SHISAL1: variants seen among roughly 807,000 people sequenced by gnomAD.
SHISAL1 encodes the protein shisa like 1, also known as protein shisa-like-1.
Under a neutral mutation model 22.6 loss-of-function variants are expected in SHISAL1, and 9 were observed. That is an observed-to-expected ratio of 0.40 (90% CI 0.24 to 0.70). SHISAL1 has a LOEUF of 0.70. Ranked by LOEUF, SHISAL1 falls within the 30% of genes least tolerant of loss-of-function variation. SHISAL1 has a pLI of 0.39. For synonymous variants in SHISAL1, 119 were observed against 115.4 expected, an observed-to-expected ratio of 1.03 and a Z score of -0.20; for missense variants, 246 against 270.6, an observed-to-expected ratio of 0.91 and a Z score of 0.64.
At chr22:44,324,029 C>T in the SHISAL1 span, among the ~76,000 whole-genome samples, 1 of 152,182 alleles carries the variant, frequency 6.6e-6, no homozygotes, top group African/African-American at 2.4e-5. Flanking sequence ...CAAGGCCACA[C>T]AGCCAGGAGG....
At chr22:44,278,125 G>A (rs1453072770) in intron 4 of SHISAL1, among the ~76,000 whole-genome samples, 1 of 152,212 alleles carries the variant, frequency 6.6e-6, no homozygotes, top group Non-Finnish European at 1.5e-5. Flanking sequence ...CTTCATCTGG[G>A]TGGGCACCAT....
the SHISAL1 span, among the ~76,000 whole-genome samples, chr22:44,323,909 C>T: frequency 3.9e-5 from 6 of 152,286 alleles, no homozygotes; most frequent in East Asian, 3.9e-4. Flanking sequence ...ACTATATGCC[C>T]GTCTGCACCA....
At chr22:44,319,953 G>A in the SHISAL1 span, among the ~76,000 whole-genome samples, 1 of 152,086 alleles carries the variant, frequency 6.6e-6, no homozygotes, top group South Asian at 2.1e-4. Flanking sequence ...CGAGGGTGAT[G>A]GATCTGATTC....
intron 3 of SHISAL1, among the ~76,000 whole-genome samples, chr22:44,296,358 C>G (rs989598691): frequency 6.6e-6 from 1 of 152,174 alleles, no homozygotes; most frequent in Non-Finnish European, 1.5e-5. Context: ...TGGGGTTTCA[C>G]CATGTTGGCT....
chr22:44,277,449 CAAACAAAACAAAACA>C (rs59568852), intron 4 of SHISAL1, among the ~76,000 whole-genome samples: 6,222 of 150,568 alleles, frequency 0.041, 459 homozygotes, highest in African/African-American at 0.15. Flanking sequence ...ACTCTGCCTC[CAAACAAAACAAAACA>C]AAACAAAACA....
the SHISAL1 span, among the ~76,000 whole-genome samples, chr22:44,324,774 C>T: frequency 6.6e-6 from 1 of 152,276 alleles, no homozygotes; most frequent in Non-Finnish European, 1.5e-5. Flanking sequence ...GATCAGCACC[C>T]GGAGCCTCCC....
the SHISAL1 span, among the ~76,000 whole-genome samples, chr22:44,330,734 C>T: frequency 6.6e-6 from 1 of 152,142 alleles, no homozygotes; most frequent in Non-Finnish European, 1.5e-5. Flanking sequence ...ATAAATATAA[C>T]CTCGAGACGC....
intron 4 of SHISAL1, among the ~76,000 whole-genome samples, chr22:44,257,217 T>C (rs2055090604): frequency 6.6e-6 from 1 of 152,230 alleles, no homozygotes; most frequent in Admixed American, 6.5e-5. Flanking sequence ...ACGATTATCC[T>C]ACAGACATGC....
rs994832089 is a variant in SHISAL1 at position 44,248,119 on chromosome 22, C to T, written c.*1566G>A. The T allele has an allele frequency of 2.0e-5, 3 of 150,468 alleles. No homozygotes were observed. Among genetic ancestry groups the T allele is most frequent in the African/African-American group, 7.5e-5 (3 of 39,764 alleles). The allele number at this position is 150,468 out of a possible 1,614,324, so 9.3% of individuals were successfully genotyped here. A position where few individuals can be genotyped will look rare whatever the true frequency, so the allele number is the denominator to read the frequency against. On this transcript the variant is annotated 3_prime_UTR_variant, in exon 5 of 5. Transcript: ENST00000381176. ...CGTGTCCCTCGAACTGAGTTCCTGG[C>T]ACTGAGTTCCCGGCAGAGCACTCAC...
chr22:44,319,012 C>A, the SHISAL1 span, among the ~76,000 whole-genome samples: 1 of 152,246 alleles, frequency 6.6e-6, no homozygotes, highest in African/African-American at 2.4e-5. Context: ...ACACTTGGGG[C>A]TCAAAGGGTC....
At chr22:44,315,523 C>T (rs2055552511), upstream of SHISAL1, among the ~76,000 whole-genome samples, 1 of 152,194 alleles carries the variant, frequency 6.6e-6, no homozygotes, top group South Asian at 2.1e-4. Context: ...ACACCTCGTC[C>T]CTTTGAGACC....
At chr22:44,314,908 G>A (rs1232390256), upstream of SHISAL1, among the ~76,000 whole-genome samples, 4 of 152,186 alleles carry the variant, frequency 2.6e-5, no homozygotes, top group Non-Finnish European at 5.9e-5. Flanking sequence ...TGAGGCTAGA[G>A]AGAAAGTAAA....
At chr22:44,324,534 C>T in the SHISAL1 span, among the ~76,000 whole-genome samples, 1 of 152,192 alleles carries the variant, frequency 6.6e-6, no homozygotes, top group Admixed American at 6.5e-5. Flanking sequence ...AATACAGAGG[C>T]GGACAAGGCA....
At chr22:44,298,734 G>A (rs915313824) in intron 2 of SHISAL1, among the ~76,000 whole-genome samples, 1 of 152,236 alleles carries the variant, frequency 6.6e-6, no homozygotes, top group African/African-American at 2.4e-5. Flanking sequence ...TGGGCCTCAA[G>A]GGACTGGGAG....
At chr22:44,330,261 G>A in the SHISAL1 span, among the ~76,000 whole-genome samples, 1 of 152,232 alleles carries the variant, frequency 6.6e-6, no homozygotes, top group African/African-American at 2.4e-5. Flanking sequence ...CTATCTTCCA[G>A]ATGAGGAAAC....
At position 44,243,748 on chromosome 22, in the gene SHISAL1, GC is replaced by G. The variant is rs2054974751; in HGVS notation, c.*5936del. The G allele has an allele frequency of 6.6e-6, 1 of 152,186 alleles. No individual in the cohort carries two copies. The highest frequency in any genetic ancestry group is 2.1e-4 in the South Asian group (1 of 4,826). 9.4% of individuals were successfully genotyped at this position (152,186 alleles called of 1,614,324 possible). On this transcript the variant is annotated 3_prime_UTR_variant, in exon 5 of 5. Coordinates refer to ENST00000381176, the MANE Select transcript of SHISAL1 (RefSeq NM_001099294.2). ...TACTGTATATAAAGACAAAAGCAGA[GC>G]AACAGCGGTCAGTGAAAAACACATG...
chr22:44,285,461 G>A lies in SHISAL1; in HGVS notation c.566C>T (p.Pro189Leu), dbSNP rs2055306480. The stretch of plus-strand genomic sequence containing the variant: ...CGAACTCTGGAAGGTCATCAGCGGT[G>A]GGCTGTGAGCATCTCCCCGCAATGT... Reference protein sequence around the residue: ...VHTLRGDAHSPPLMTFQSSSA With the variant: ...VHTLRGDAHSLPLMTFQSSSA Residue 189 changes from proline to leucine, a missense_variant, in exon 4 of 5, where the codon CCA becomes CTA. Transcript: ENST00000381176. 6.2e-7 allele frequency: 1 copy of A among 1,614,064 alleles called. No homozygotes were observed. Among genetic ancestry groups the A allele is most frequent in the Non-Finnish European group, 8.5e-7 (1 of 1,179,934 alleles).
upstream of SHISAL1, among the ~76,000 whole-genome samples, chr22:44,314,144 G>A (rs892555907): frequency 6.6e-6 from 1 of 150,830 alleles, no homozygotes; most frequent in Non-Finnish European, 1.5e-5. Flanking sequence ...CGCCTGGCTG[G>A]GGACTCAGAC....
intron 1 of SHISAL1, among the ~76,000 whole-genome samples, chr22:44,303,525 T>G (rs552473748): frequency 1.3e-5 from 2 of 152,218 alleles, no homozygotes; most frequent in South Asian, 4.2e-4. Context: ...TGCCAAAGAT[T>G]GCCAGCGAAC....
Sources: gnomAD v4.1 joint callset for allele counts (sites outside exome capture counted in the v4.1 genomes callset) on GRCh38, gnomAD v4.1.1 for gene constraint, MANE v1.5 for transcripts, NCBI Gene and HGNC (gene_info 2026-07-23, HGNC 2026-07-21) for gene names.